Variants in PLCH1 observed in about 807,000 individuals in gnomAD.
PLCH1 encodes phospholipase C eta 1.
Under a neutral mutation model 126.7 loss-of-function variants are expected in PLCH1, and 60 were observed. That is an observed-to-expected ratio of 0.47 (90% CI 0.38 to 0.59). PLCH1 has a LOEUF of 0.59. Ranked by LOEUF, PLCH1 falls within the 20% of genes least tolerant of loss-of-function variation. The probability of loss-of-function intolerance (pLI) is 0.00; values close to 1 mark genes in which losing one functional copy is unlikely to be tolerated. For missense variants in PLCH1, 1,723 were observed against 2,040.0 expected (o/e 0.84, Z 2.99); for synonymous variants, 719 against 734.9 (o/e 0.98, Z 0.35).
chr3:155,632,997 T>C (rs13095140), intron 2 of PLCH1, among the ~76,000 whole-genome samples: 44,871 of 152,000 alleles, frequency 0.3, 7,202 homozygotes, highest in East Asian at 0.44. Flanking sequence ...GGTCAGTGGT[T>C]GACCATAACG....
chr3:155,585,213 T>C (rs986789919), intron 5 of PLCH1, among the ~76,000 whole-genome samples: 1 of 152,156 alleles, frequency 6.6e-6, no homozygotes, highest in Non-Finnish European at 1.5e-5. Context: ...CTGTCTTCCA[T>C]TTATTGTTGC....
chr3:155,452,922 T>C (rs1712344260), intron 21 of PLCH1, among the ~76,000 whole-genome samples: 2 of 152,150 alleles, frequency 1.3e-5, no homozygotes, highest in African/African-American at 2.4e-5. Flanking sequence ...ATATTGCAAG[T>C]TGAACTCCCA....
chr3:155,497,485 C>T (rs1037314620), intron 14 of PLCH1, 68 bp from the exon 15 acceptor site: 2 of 1,077,910 alleles, frequency 1.9e-6, no homozygotes, highest in African/African-American at 3.1e-5. Context: ...TTGGTTATCC[C>T]ACTTTCCTTA....
intron 4 of PLCH1, among the ~76,000 whole-genome samples, chr3:155,591,470 C>T (rs186699986): frequency 1.7e-4 from 26 of 152,220 alleles, no homozygotes; most frequent in Middle Eastern, 3.4e-3. Flanking sequence ...AACAACGTAT[C>T]GCAACAGACT....
At chr3:155,679,345 C>A (rs931941389) in intron 2 of PLCH1, among the ~76,000 whole-genome samples, 4 of 152,090 alleles carry the variant, frequency 2.6e-5, no homozygotes, top group Admixed American at 6.6e-5. Context: ...GCTCTCTAAA[C>A]CTGTAAGCCT....
At chr3:155,490,748 T>A (rs745408639) in intron 19 of PLCH1, 36 bp downstream of exon 19, 4 of 1,141,156 alleles carry the variant, frequency 3.5e-6, no homozygotes, top group Admixed American at 1.7e-5. Flanking sequence ...TTCTAGACCA[T>A]CTTCATTAAA....
At chr3:155,541,388 A>C (rs1171159288) in intron 10 of PLCH1, among the ~76,000 whole-genome samples, 3 of 152,156 alleles carry the variant, frequency 2.0e-5, no homozygotes, top group Non-Finnish European at 4.4e-5. Flanking sequence ...TACTGAAATT[A>C]ATAAATATTT....
At chr3:155,486,512 T>TG (rs1491356636) in intron 21 of PLCH1, among the ~76,000 whole-genome samples, 8 of 139,702 alleles carry the variant, frequency 5.7e-5, no homozygotes, top group Non-Finnish European at 3.1e-5. Flanking sequence ...GGCTCAAGTT[T>TG]GTTTTTTTTT....
chr3:155,610,390 C>CAAAAAAAAAA (rs1491267517), intron 2 of PLCH1, among the ~76,000 whole-genome samples: 1 of 81,720 alleles, frequency 1.2e-5, no homozygotes, highest in Non-Finnish European at 2.2e-5. Context: ...AAAAAAAAAA[C>CAAAAAAAAAA]CATCACCTAG....
intron 2 of PLCH1, among the ~76,000 whole-genome samples, chr3:155,630,199 T>C (rs1185472616): frequency 4.6e-5 from 7 of 152,206 alleles, no homozygotes; most frequent in South Asian, 2.1e-4. Context: ...TCCCCAACTC[T>C]TGTTGGTTGC....
chr3:155,706,172 C>CAAAA (rs34725442), intron 1 of PLCH1, among the ~76,000 whole-genome samples: 7 of 61,610 alleles, frequency 1.1e-4, no homozygotes, highest in Admixed American at 4.4e-4. Flanking sequence ...GACTCTATCT[C>CAAAA]AAAAAAAAAA....
intron 2 of PLCH1, among the ~76,000 whole-genome samples, chr3:155,629,450 A>ATC (rs1737759740): frequency 1.3e-5 from 2 of 152,216 alleles, no homozygotes; most frequent in South Asian, 4.1e-4. Flanking sequence ...GATGACAAGC[A>ATC]TTAATAAGAT....
chr3:155,538,113 A>G (rs1426048686), intron 10 of PLCH1, among the ~76,000 whole-genome samples: 1 of 152,176 alleles, frequency 6.6e-6, no homozygotes, highest in African/African-American at 2.4e-5. Context: ...AAACGTGCAA[A>G]TACATATAAA....
At chr3:155,639,848 C>T (rs761717155) in intron 2 of PLCH1, among the ~76,000 whole-genome samples, 3 of 152,166 alleles carry the variant, frequency 2.0e-5, no homozygotes, top group African/African-American at 4.8e-5. Flanking sequence ...GATATCCCCC[C>T]CTGCTGTTCT....
At chr3:155,485,919 T>G (rs1715001183) in intron 21 of PLCH1, 1 of 601,004 alleles carries the variant, frequency 1.7e-6, no homozygotes, top group Non-Finnish European at 2.9e-6. Flanking sequence ...ACTTCAGCCT[T>G]CCATTCTTAC....
At chr3:155,600,602 T>TAAAAAAA (rs5853725) in intron 2 of PLCH1, among the ~76,000 whole-genome samples, 1 of 128,240 alleles carries the variant, frequency 7.8e-6, no homozygotes. Flanking sequence ...TTAAGATAGC[T>TAAAAAAA]AAAAAAAAAA....
At chr3:155,566,112 CAT>C (rs1198852258) in intron 7 of PLCH1, among the ~76,000 whole-genome samples, 1,017 of 48,804 alleles carry the variant, frequency 0.021, 23 homozygotes, top group Middle Eastern at 0.12. Flanking sequence ...TATATATATA[CAT>C]ATATATATGT....
At chr3:155,677,441 T>A (rs2109005313) in intron 2 of PLCH1, among the ~76,000 whole-genome samples, 1 of 152,356 alleles carries the variant, frequency 6.6e-6, no homozygotes, top group Middle Eastern at 3.4e-3. Flanking sequence ...ATTAAATACA[T>A]GATGAAAATA....
intron 8 of PLCH1, among the ~76,000 whole-genome samples, chr3:155,557,863 G>C (rs1727040497): frequency 6.6e-6 from 1 of 152,066 alleles, no homozygotes; most frequent in Non-Finnish European, 1.5e-5. Context: ...AGCACTCCCA[G>C]AGATAACTGG....
Sources: gnomAD v4.1 joint callset for allele counts (sites outside exome capture counted in the v4.1 genomes callset) on GRCh38, gnomAD v4.1.1 for gene constraint, MANE v1.5 for transcripts, NCBI Gene and HGNC (gene_info 2026-07-23, HGNC 2026-07-21) for gene names.